ABI3BP: variants seen among roughly 807,000 people sequenced by gnomAD.
ABI3BP encodes the protein ABI family member 3 binding protein.
ABI3BP carries 216 observed loss-of-function variants against 268.6 expected under a neutral mutation model. The ratio of observed to expected loss-of-function variants is 0.80; its 90% CI spans 0.72 to 0.90. ABI3BP has a LOEUF of 0.90. Ranked by LOEUF, ABI3BP falls within the 40% of genes least tolerant of loss-of-function variation. ABI3BP has a pLI of 0.00. For synonymous variants in ABI3BP, 730 were observed against 730.0 expected (o/e 1.00, Z 0.00); for missense variants, 2,090 against 2,182.4 (o/e 0.96, Z 0.84).
intron 2 of ABI3BP, among the ~76,000 whole-genome samples, 168 bp from the exon 3 acceptor site, chr3:100,902,854 TA>T (rs1316916099): frequency 6.6e-6 from 1 of 152,170 alleles, no homozygotes; most frequent in African/African-American, 2.4e-5. Context: ...AGAAGTTTAT[TA>T]AGTCATTAAA....
intron 63 of ABI3BP, among the ~76,000 whole-genome samples, chr3:100,764,770 G>A (rs894947518): frequency 6.6e-6 from 1 of 152,040 alleles, no homozygotes; most frequent in Admixed American, 6.6e-5. Flanking sequence ...TCCCCCTCTC[G>A]ATCTAAGGAA....
intron 2 of ABI3BP, among the ~76,000 whole-genome samples, chr3:100,905,154 C>T (rs926236409): frequency 2.6e-5 from 4 of 151,992 alleles, no homozygotes; most frequent in African/African-American, 4.8e-5. Context: ...AGCAAACTAT[C>T]GCAAGGACAA....
intron 42 of ABI3BP, 69 bp from the exon 43 acceptor site, chr3:100,816,837 G>T: frequency 1.8e-6 from 2 of 1,101,664 alleles, no homozygotes; most frequent in Non-Finnish European, 2.6e-6. Context: ...GTTTTTAAAG[G>T]TATGTCATAT....
chr3:100,843,050 G>A (rs988075155), intron 20 of ABI3BP, among the ~76,000 whole-genome samples: 4 of 151,996 alleles, frequency 2.6e-5, no homozygotes, highest in African/African-American at 7.2e-5. Flanking sequence ...AATACGTAGC[G>A]ACTAAAAAAG....
chr3:100,976,025 A>T (rs1277463366), intron 1 of ABI3BP, among the ~76,000 whole-genome samples: 4 of 152,150 alleles, frequency 2.6e-5, no homozygotes, highest in Admixed American at 6.5e-5. Context: ...GCAACTGGTG[A>T]TAACGGTCTG....
At chr3:100,772,275 C>T (rs563569059) in intron 61 of ABI3BP, among the ~76,000 whole-genome samples, 2 of 152,192 alleles carry the variant, frequency 1.3e-5, no homozygotes, top group East Asian at 1.9e-4. Context: ...GAAACAATGC[C>T]GACAGAAATA....
At chr3:100,981,620 G>T (rs2089499109) in intron 1 of ABI3BP, among the ~76,000 whole-genome samples, 1 of 152,162 alleles carries the variant, frequency 6.6e-6, no homozygotes, top group Non-Finnish European at 1.5e-5. Context: ...AATGACCAAA[G>T]ACCACAACTT....
chr3:100,906,797 C>T (rs187153916), intron 2 of ABI3BP, among the ~76,000 whole-genome samples: 18 of 152,276 alleles, frequency 1.2e-4, no homozygotes, highest in African/African-American at 4.3e-4. Context: ...CAGTAATACT[C>T]TTATAATTGC....
chr3:100,923,707 T>C (rs2060960753), intron 2 of ABI3BP, among the ~76,000 whole-genome samples: 1 of 152,046 alleles, frequency 6.6e-6, no homozygotes, highest in African/African-American at 2.4e-5. Context: ...CCAATATATA[T>C]GGAAAATTAA....
intron 3 of ABI3BP, among the ~76,000 whole-genome samples, chr3:100,899,154 A>G (rs2049008008): frequency 3.3e-5 from 5 of 152,250 alleles, no homozygotes; most frequent in Admixed American, 3.3e-4. Context: ...TTGTACATGT[A>G]CACATATTAA....
rs1438372165 is a variant in ABI3BP, at chr3:100,789,519, G to C, written c.4025-3C>G. The stretch of plus-strand genomic sequence containing the variant: ...AGTAGTATAAAATCTGTGTGGCGCT[G>C]AAACAGAGGAACACTTTATATTTAA... On this transcript the variant is annotated splice_region_variant and splice_polypyrimidine_tract_variant and intron_variant, in intron 55 of 67. Coordinates refer to ENST00000471714, the MANE Select transcript of ABI3BP (RefSeq NM_001375547.2). The C allele has an allele frequency of 1.9e-6, 3 of 1,586,818 alleles. No individual in the cohort carries two copies. The highest frequency in any genetic ancestry group is 1.8e-5 in the Admixed American group (1 of 56,548).
intron 1 of ABI3BP, among the ~76,000 whole-genome samples, chr3:100,952,016 C>T (rs1022957523): frequency 6.6e-6 from 1 of 152,122 alleles, no homozygotes; most frequent in African/African-American, 2.4e-5. Context: ...AACAAGATCA[C>T]TGTTTATTAA....
chr3:100,902,815 C>A, intron 2 of ABI3BP, 129 bp from the exon 3 acceptor site: 2 of 658,878 alleles, frequency 3.0e-6, no homozygotes, highest in South Asian at 2.1e-5. Context: ...GTGAGAGGAC[C>A]CAATAATCCG....
intron 50 of ABI3BP, among the ~76,000 whole-genome samples, chr3:100,806,109 C>T (rs919670429): frequency 6.6e-6 from 1 of 152,018 alleles, no homozygotes; most frequent in East Asian, 1.9e-4. Flanking sequence ...TTTTAGATCC[C>T]ATTTTGCCTT....
At chr3:100,783,825 C>T (rs977749876) in intron 57 of ABI3BP, among the ~76,000 whole-genome samples, 1 of 152,178 alleles carries the variant, frequency 6.6e-6, no homozygotes, top group Non-Finnish European at 1.5e-5. Context: ...CAGAAACAGG[C>T]AGTGAGCCAG....
chr3:100,752,881 T>C lies in ABI3BP; in HGVS notation c.5028A>G (p.Lys1676=). The change falls in exon 66 of 68, where the codon AAA becomes AAG. Residue 1676 remains lysine, a synonymous_variant. Coordinates refer to ENST00000471714, the MANE Select transcript of ABI3BP (RefSeq NM_001375547.2). ...TATACCATGTCCTTTTGACATATTG[T>C]TTGCCCTTACACTCTGAGTAAGAGT... ...NSDSYSECKG[K]QYVKRTWYKK... 6.2e-7 allele frequency: 1 copy of C among 1,613,668 alleles called. No individual in the cohort carries two copies. The highest frequency in any genetic ancestry group is 8.5e-7 in the Non-Finnish European group (1 of 1,179,748).
chr3:100,826,832 A>G (rs184639297), intron 34 of ABI3BP, among the ~76,000 whole-genome samples: 1 of 152,240 alleles, frequency 6.6e-6, no homozygotes, highest in Admixed American at 6.6e-5. Flanking sequence ...AGTGTGGAAG[A>G]AAGACTTTTG....
At chr3:100,821,663 C>G (rs913389485) in intron 38 of ABI3BP, among the ~76,000 whole-genome samples, 2 of 138,868 alleles carry the variant, frequency 1.4e-5, no homozygotes, top group African/African-American at 5.5e-5. Flanking sequence ...AGTGCAGTGG[C>G]GCGATCTCGG....
At chr3:100,972,968 T>C (rs759433196) in intron 1 of ABI3BP, among the ~76,000 whole-genome samples, 1 of 152,232 alleles carries the variant, frequency 6.6e-6, no homozygotes, top group African/African-American at 2.4e-5. Context: ...GGTGATGCTC[T>C]GCCTTCTTGT....
Sources: gnomAD v4.1 joint callset for allele counts (sites outside exome capture counted in the v4.1 genomes callset) on GRCh38, gnomAD v4.1.1 for gene constraint, MANE v1.5 for transcripts, NCBI Gene and HGNC (gene_info 2026-07-23, HGNC 2026-07-21) for gene names.